The following PKNOX2 variants were observed in gnomAD, a reference collection of about 807,000 sequenced individuals.
PKNOX2 encodes the protein homeobox protein PKNOX2.
PKNOX2 carries 14 observed loss-of-function variants against 53.1 expected under a neutral mutation model. The observed-to-expected ratio is 0.26, with a 90% CI of 0.17 to 0.41. PKNOX2 has a LOEUF of 0.41. Ranked by LOEUF, PKNOX2 falls within the 10% of genes least tolerant of loss-of-function variation. The pLI, the probability that PKNOX2 is intolerant of heterozygous loss-of-function variation, is 1.00. For missense variants in PKNOX2, 496 were observed against 602.8 expected, an observed-to-expected ratio of 0.82 and a Z score of 1.85; for synonymous variants, 257 against 242.8, an observed-to-expected ratio of 1.06 and a Z score of -0.54.
At chr11:125,192,095 G>A (rs143333067) in intron 1 of PKNOX2, among the ~76,000 whole-genome samples, 3 of 152,152 alleles carry the variant, frequency 2.0e-5, no homozygotes, top group Non-Finnish European at 4.4e-5. Context: ...GCAGGCTGGG[G>A]AATTGCGGCA....
At chr11:125,180,059 T>C (rs1443149886) in intron 1 of PKNOX2, among the ~76,000 whole-genome samples, 1 of 152,164 alleles carries the variant, frequency 6.6e-6, no homozygotes, top group African/African-American at 2.4e-5. Context: ...CTGTTGTAAC[T>C]GAAACAGCCA....
chr11:125,177,449 C>T (rs1955784059), intron 1 of PKNOX2, among the ~76,000 whole-genome samples: 1 of 152,192 alleles, frequency 6.6e-6, no homozygotes, highest in Non-Finnish European at 1.5e-5. Context: ...GCTTTGGGGT[C>T]AGGCAGGCAG....
At chr11:125,329,275 C>A (rs1399395078) in intron 2 of PKNOX2, among the ~76,000 whole-genome samples, 1 of 152,088 alleles carries the variant, frequency 6.6e-6, no homozygotes, top group South Asian at 2.1e-4. Flanking sequence ...AAAAAAGAAG[C>A]ATTTTACTCC....
intron 5 of PKNOX2, among the ~76,000 whole-genome samples, chr11:125,372,984 G>A (rs1234050598): frequency 6.6e-6 from 1 of 152,220 alleles, no homozygotes; most frequent in Non-Finnish European, 1.5e-5. Context: ...ACAGTTGTGT[G>A]GGGAGGAACA....
At chr11:125,176,372 T>G (rs1955703788) in intron 1 of PKNOX2, among the ~76,000 whole-genome samples, 1 of 152,238 alleles carries the variant, frequency 6.6e-6, no homozygotes, top group South Asian at 2.1e-4. Flanking sequence ...GCGCTAGGGA[T>G]ATGACCGTGA....
intron 7 of PKNOX2, among the ~76,000 whole-genome samples, chr11:125,408,493 C>G (rs1366714836): frequency 2.0e-5 from 3 of 152,198 alleles, no homozygotes; most frequent in African/African-American, 7.2e-5. Flanking sequence ...CCAGGAGGCC[C>G]GTGCGGCAGG....
intron 2 of PKNOX2, among the ~76,000 whole-genome samples, chr11:125,239,909 C>T (rs1186324611): frequency 6.6e-6 from 1 of 152,212 alleles, no homozygotes; most frequent in Non-Finnish European, 1.5e-5. Context: ...AATGGCATTT[C>T]TGGAGGATTC....
intron 10 of PKNOX2, among the ~76,000 whole-genome samples, chr11:125,420,643 T>C (rs116853114): frequency 1.3e-5 from 2 of 152,344 alleles, no homozygotes; most frequent in East Asian, 3.9e-4. Context: ...TTCTAACAAT[T>C]GTTCTCAACC....
chr11:125,372,869 A>AC lies in PKNOX2; in HGVS notation c.227+4886dup, dbSNP rs533775140. On this transcript the variant is annotated intron_variant, in intron 5 of 12. Transcript: ENST00000298282. ...TCAGAACTTCTACCCACATGGGACC[A>AC]CCAGAGAGCTCATGCTCAAGTCCAG... Among the ~76,000 whole-genome samples the AC allele has an allele frequency of 1.3e-4, 20 of 152,328 alleles. 1 individual carries two copies. In the South Asian group the frequency reaches 3.9e-3, roughly 30 times the overall value.
chr11:125,256,758 C>T (rs537049050), intron 2 of PKNOX2, among the ~76,000 whole-genome samples: 20 of 152,276 alleles, frequency 1.3e-4, no homozygotes, highest in Admixed American at 5.2e-4. Flanking sequence ...AGATCAATCC[C>T]GCTGCTCTTC....
chr11:125,167,559 G>C (rs1954983147), intron 1 of PKNOX2, among the ~76,000 whole-genome samples: 1 of 152,226 alleles, frequency 6.6e-6, no homozygotes, highest in Non-Finnish European at 1.5e-5. Flanking sequence ...CTCAGAATAA[G>C]GGGCAGGGGG....
chr11:125,429,355 C>CGCCCACCTGAGCACCCA (rs1013240652), intron 11 of PKNOX2, among the ~76,000 whole-genome samples: 3 of 152,214 alleles, frequency 2.0e-5, no homozygotes, highest in South Asian at 4.1e-4. Flanking sequence ...AGAAAACCCA[C>CGCCCACCTGAGCACCCA]GCCCACCTGA....
At chr11:125,249,958 G>A (rs993328206) in intron 2 of PKNOX2, among the ~76,000 whole-genome samples, 6 of 150,878 alleles carry the variant, frequency 4.0e-5, no homozygotes, top group Non-Finnish European at 7.4e-5. Context: ...CCAGCTACTC[G>A]GGAGGCTGAG....
chr11:125,407,389 C>G (rs1306644645), intron 7 of PKNOX2, among the ~76,000 whole-genome samples: 1 of 152,168 alleles, frequency 6.6e-6, no homozygotes, highest in African/African-American at 2.4e-5. Flanking sequence ...AGGGACACAT[C>G]TTGTATTTAT....
chr11:125,260,045 C>T (rs1215195401), intron 2 of PKNOX2, among the ~76,000 whole-genome samples: 2 of 151,026 alleles, frequency 1.3e-5, no homozygotes, highest in African/African-American at 4.9e-5. Flanking sequence ...CTATTTTTTG[C>T]TTGTTTGTTT....
chr11:125,413,772 C>T (rs1372744099), intron 10 of PKNOX2, among the ~76,000 whole-genome samples: 1 of 152,126 alleles, frequency 6.6e-6, no homozygotes, highest in Admixed American at 6.5e-5. Context: ...TTCCCCACCT[C>T]CCACCCCCAT....
chr11:125,231,720 G>T (rs1055445660), intron 1 of PKNOX2, among the ~76,000 whole-genome samples: 15 of 151,590 alleles, frequency 9.9e-5, no homozygotes, highest in African/African-American at 2.9e-4. Context: ...GGTGTGTGTG[G>T]GGGGTGTGTG....
rs549163906 is a variant in PKNOX2 at position 125,361,009 on chromosome 11, C to G, written c.88-6837C>G. 1.2e-4 allele frequency among the ~76,000 whole-genome samples: 19 copies of G among 152,294 alleles called. No individual in the cohort carries two copies. The South Asian group carries it at 3.5e-3, about 28-fold the overall frequency. Reference sequence around the variant, plus strand: ...CCAGCTCTGGGCTGGACACCCAAATCCCCCCAGTCAGTTATGTGGTCAGGA... The same window carrying G: ...CCAGCTCTGGGCTGGACACCCAAATGCCCCCAGTCAGTTATGTGGTCAGGA... On this transcript the variant is annotated intron_variant, in intron 4 of 12. Coordinates refer to ENST00000298282, the MANE Select transcript of PKNOX2 (RefSeq NM_001382323.2).
intron 3 of PKNOX2, among the ~76,000 whole-genome samples, chr11:125,333,477 CAGA>C (rs1950250248): frequency 6.6e-6 from 1 of 152,050 alleles, no homozygotes; most frequent in Non-Finnish European, 1.5e-5. Context: ...AAGGCTTCCA[CAGA>C]TGGGGTAGAG....
Sources: allele counts gnomAD v4.1 joint callset (sites outside exome capture counted in the v4.1 genomes callset), GRCh38; gene constraint gnomAD v4.1.1; transcripts MANE v1.5; gene names NCBI Gene and HGNC (gene_info 2026-07-23, HGNC 2026-07-21).